Variants in NRCAM observed in about 807,000 individuals in gnomAD.
NRCAM encodes NgCAM-related cell adhesion molecule.
Under a neutral mutation model 156.5 loss-of-function variants are expected in NRCAM, and 83 were observed. That is an observed-to-expected ratio of 0.53 (90% confidence interval 0.44 to 0.64). The LOEUF is 0.64. Among genes scored for constraint, NRCAM ranks in the 30% least tolerant of loss-of-function variants. The pLI is 0.00. For synonymous variants in NRCAM, 538 were observed against 563.9 expected, an observed-to-expected ratio of 0.95 and a Z score of 0.65; for missense variants, 1,417 against 1,597.3, an observed-to-expected ratio of 0.89 and a Z score of 1.92.
At chr7:108,177,072 T>G (rs573039651) in intron 26 of NRCAM, among the ~76,000 whole-genome samples, 9 of 152,220 alleles carry the variant, frequency 5.9e-5, no homozygotes, top group Non-Finnish European at 1.2e-4. Context: ...TACTTAATTT[T>G]TAATAACATA....
In NRCAM at chr7:108,175,459, T is replaced by C; in HGVS notation, c.3152-102A>G. On this transcript the variant is annotated intron_variant, in intron 27 of 32. Coordinates refer to ENST00000379028, the MANE Select transcript of NRCAM (RefSeq NM_001037132.4). ...AAACACTTATTAAAATGCTAAAGCATGCAAGAAGAATGAAGTGTACCACAT... is the reference window on the plus strand; with the variant it reads ...AAACACTTATTAAAATGCTAAAGCACGCAAGAAGAATGAAGTGTACCACAT... 2.8e-6 allele frequency: 3 copies of C among 1,062,350 alleles called. No individual in the cohort carries two copies. The South Asian group carries it at 4.8e-5, about 17-fold the overall frequency. 65.8% of individuals were successfully genotyped at this position (1,062,350 alleles called of 1,614,324 possible). A position where few individuals can be genotyped will look rare whatever the true frequency, so the allele number is the denominator to read the frequency against.
chr7:108,429,279 C>T (rs1232477451), intron 1 of NRCAM, among the ~76,000 whole-genome samples: 1 of 152,094 alleles, frequency 6.6e-6, no homozygotes, highest in Non-Finnish European at 1.5e-5. Flanking sequence ...GCAACCTCTG[C>T]CTCCTGAGTT....
Position 108,180,364 on chromosome 7 carries a change from G to A in NRCAM, c.2710C>T (p.Leu904Phe), listed in dbSNP as rs1306456501. The A allele has an allele frequency of 3.1e-6, 5 of 1,614,088 alleles. No homozygotes were observed. The Admixed American group carries it at 6.7e-5, about 22-fold the overall frequency. ...TGAGTCTTGCTGCCTTGGAAGGTGA[G>A]GATCTTTTTCTCAATGTGACGTCTG... ...RNRRHIEKKI[L>F]TFQGSKTHGM... The change falls in exon 25 of 33, where the codon CTC (leucine) becomes TTC (phenylalanine). Residue 904 changes from leucine to phenylalanine, a missense_variant. Physicochemically the swap from Leu to Phe is conservative, Grantham distance 22 (BLOSUM62 0). Around this residue, in one of 2 missense-constraint regions of NRCAM, gnomAD observed 1,238 missense variants for 1,336.4 expected, o/e 0.93. Coordinates refer to ENST00000379028, the MANE Select transcript of NRCAM (RefSeq NM_001037132.4).
At chr7:108,365,023 C>T (rs930428668) in intron 2 of NRCAM, among the ~76,000 whole-genome samples, 10 of 152,142 alleles carry the variant, frequency 6.6e-5, no homozygotes, top group African/African-American at 2.4e-4. Context: ...CAAAGACAGC[C>T]AGCCCCTACA....
At chr7:108,270,767 A>T (rs928692084) in intron 3 of NRCAM, among the ~76,000 whole-genome samples, 1 of 152,254 alleles carries the variant, frequency 6.6e-6, no homozygotes, top group Non-Finnish European at 1.5e-5. Context: ...GAAATAAGCC[A>T]GTCAGAGAGG....
At chr7:108,393,732 C>A (rs147255051) in intron 2 of NRCAM, among the ~76,000 whole-genome samples, 2,066 of 152,232 alleles carry the variant, frequency 0.014, 19 homozygotes, top group Middle Eastern at 0.041. Flanking sequence ...AACCCTCCCC[C>A]GTTTAATTTT....
intron 28 of NRCAM, among the ~76,000 whole-genome samples, chr7:108,170,215 T>TA (rs952092871): frequency 1.2e-4 from 18 of 150,878 alleles, no homozygotes; most frequent in Non-Finnish European, 2.1e-4. Context: ...ATTCCGACTT[T>TA]AAAAAAAAAG....
intron 10 of NRCAM, among the ~76,000 whole-genome samples, chr7:108,225,374 G>GA (rs1044847971): frequency 3.3e-5 from 5 of 152,178 alleles, no homozygotes; most frequent in African/African-American, 1.2e-4. Flanking sequence ...GAACGTACGT[G>GA]AAAGGTTTTT....
Position 108,149,813 on chromosome 7 carries a change from A to ACT in NRCAM, c.*95_*96dup. 1.1e-6 allele frequency: 1 copy of ACT among 927,286 alleles called. No homozygotes were observed. The highest frequency in any genetic ancestry group is 1.7e-6 in the Non-Finnish European group (1 of 598,076). The allele number at this position is 927,286 out of a possible 1,614,324, so 57.4% of individuals were successfully genotyped here. ...AATACTAACATACAGCAGAAAATAT[A>ACT]CTCTCTACCCATATGTTCATAGTAT... is the stretch of plus-strand genomic sequence containing the variant. On this transcript the variant is annotated 3_prime_UTR_variant, in exon 33 of 33. Transcript: ENST00000379028.
intron 2 of NRCAM, among the ~76,000 whole-genome samples, chr7:108,322,989 C>T (rs1405750337): frequency 1.3e-5 from 2 of 152,162 alleles, no homozygotes; most frequent in Non-Finnish European, 2.9e-5. Flanking sequence ...ACCTATTTCT[C>T]AAGGTCTCTG....
Position 108,149,911 on chromosome 7 carries a change from TA to T in NRCAM, c.3913del (p.Ter1305AsnfsTer3). Reference protein sequence around the residue: ...SPVNAMNSFV* With the variant: ...SPVNAMNSFVX Reference sequence around the variant, plus strand: ...GAATATTGGCAAAGAGCTTAAAAATTAAACAAAGGAATTCATGGCGTTGACA... The same window carrying T: ...GAATATTGGCAAAGAGCTTAAAAATTAACAAAGGAATTCATGGCGTTGACA... On this transcript the variant is annotated frameshift_variant and stop_lost, in exon 33 of 33. Coordinates refer to ENST00000379028, the MANE Select transcript of NRCAM (RefSeq NM_001037132.4). LOFTEE classifies it high-confidence loss of function. 1 of 1,603,398 alleles carries T rather than the reference TA, an allele frequency of 6.2e-7. No individual in the cohort carries two copies. Among genetic ancestry groups the T allele is most frequent in the Non-Finnish European group, 8.5e-7 (1 of 1,177,076 alleles).
chr7:108,443,977 T>G (rs1004508789), intron 1 of NRCAM, among the ~76,000 whole-genome samples: 1 of 150,578 alleles, frequency 6.6e-6, no homozygotes, highest in Non-Finnish European at 1.5e-5. Context: ...GATGATGAGA[T>G]AGAGAGAGAG....
chr7:108,174,880 G>A (rs993473888), intron 28 of NRCAM, among the ~76,000 whole-genome samples: 2 of 152,230 alleles, frequency 1.3e-5, no homozygotes, highest in African/African-American at 2.4e-5. Flanking sequence ...AATGGCAGCC[G>A]AGTGTACACT....
intron 1 of NRCAM, among the ~76,000 whole-genome samples, chr7:108,430,150 G>A (rs978777707): frequency 6.6e-6 from 1 of 152,168 alleles, no homozygotes; most frequent in Non-Finnish European, 1.5e-5. Context: ...AGTATGTTGC[G>A]GGTTTGGTTT....
At chr7:108,339,250 G>GA (rs1236171738) in intron 2 of NRCAM, among the ~76,000 whole-genome samples, 5 of 152,064 alleles carry the variant, frequency 3.3e-5, no homozygotes, top group Non-Finnish European at 5.9e-5. Flanking sequence ...AGGTGAATGA[G>GA]AAAAAAATCA....
chr7:108,287,553 C>T (rs773015743), intron 3 of NRCAM, among the ~76,000 whole-genome samples: 8 of 151,896 alleles, frequency 5.3e-5, no homozygotes, highest in Non-Finnish European at 1.2e-4. Context: ...AGAAGACATA[C>T]AAGTGGCCAA....
At chr7:108,369,347 T>G (rs1012602304) in intron 2 of NRCAM, among the ~76,000 whole-genome samples, 1 of 152,106 alleles carries the variant, frequency 6.6e-6, no homozygotes. Flanking sequence ...GAATAGTATA[T>G]AGAATAAATT....
intron 13 of NRCAM, among the ~76,000 whole-genome samples, chr7:108,201,441 A>G (rs1587993702): frequency 1.3e-5 from 2 of 152,350 alleles, no homozygotes; most frequent in Non-Finnish European, 2.9e-5. Flanking sequence ...TGAGTTTTTA[A>G]AAGTTACACC....
intron 2 of NRCAM, among the ~76,000 whole-genome samples, chr7:108,331,314 T>A (rs952712115): frequency 6.6e-6 from 1 of 151,758 alleles, no homozygotes; most frequent in African/African-American, 2.4e-5. Context: ...GGTAGGAGGA[T>A]CCCTTGAGCC....
Sources: allele counts gnomAD v4.1 joint callset (sites outside exome capture counted in the v4.1 genomes callset), GRCh38; gene constraint gnomAD v4.1.1; regional missense constraint gnomAD v4.1.1; transcripts MANE v1.5; gene names NCBI Gene and HGNC (gene_info 2026-07-23, HGNC 2026-07-21).